Variants in LSM11 observed in about 807,000 individuals in gnomAD.
LSM11 encodes U7 snRNA-associated Sm-like protein LSm11.
Under a neutral mutation model 28.1 loss-of-function variants are expected in LSM11, and 14 were observed. The observed-to-expected ratio is 0.50, with a 90% confidence interval of 0.33 to 0.78. The LOEUF is 0.78. Among genes scored for constraint, LSM11 ranks in the 30% least tolerant of loss-of-function variants. The pLI, the probability that LSM11 is intolerant of heterozygous loss-of-function variation, is 0.02. For missense variants in LSM11, 495 were observed against 510.6 expected, an observed-to-expected ratio of 0.97 and a Z score of 0.30; for synonymous variants, 207 against 214.2, an observed-to-expected ratio of 0.97 and a Z score of 0.30.
chr5:157,755,181 G>A lies in LSM11; in HGVS notation c.1000G>A (p.Asp334Asn), dbSNP rs1389527741. ...SRKKKRKPKV[D>N]YQQVFTRHIN... is the part of the protein sequence containing the mutation. ...TAAGAAAAAGCGAAAGCCCAAAGTG[G>A]ATTACCAGCAGGTATTCACTCGACA... Residue 334 changes from aspartate (D) to asparagine (N), a missense_variant, in exon 4 of 4, where the codon GAT (aspartate) becomes AAT (asparagine). Transcript: ENST00000286307. 1 of 1,614,182 alleles carries A rather than the reference G, an allele frequency of 6.2e-7. No homozygotes were observed. The highest frequency in any genetic ancestry group is 8.5e-7 in the Non-Finnish European group (1 of 1,180,034).
At chr5:157,746,273 T>C (rs1047492000) in intron 1 of LSM11, among the ~76,000 whole-genome samples, 2 of 152,366 alleles carry the variant, frequency 1.3e-5, no homozygotes, top group Admixed American at 6.5e-5. Flanking sequence ...CATTTGAGAA[T>C]GCATAATCCT....
At chr5:157,748,305 A>G (rs1299683779) in intron 1 of LSM11, among the ~76,000 whole-genome samples, 8 of 152,134 alleles carry the variant, frequency 5.3e-5, no homozygotes, top group African/African-American at 1.7e-4. Context: ...ATTTGGAGAT[A>G]TATATGTAGA....
chr5:157,743,870 C>T lies in LSM11; in HGVS notation c.120C>T (p.Pro40=). The T allele has an allele frequency of 6.4e-7, 1 of 1,559,602 alleles. No homozygotes were observed. Among genetic ancestry groups the T allele is most frequent in the Non-Finnish European group, 8.7e-7 (1 of 1,155,310 alleles). The change falls in exon 1 of 4, where the codon CCC becomes CCT. Residue 40 remains proline (P), a synonymous_variant. Coordinates refer to ENST00000286307, the MANE Select transcript of LSM11 (RefSeq NM_173491.4). ...ACCCGCTGCTGGCCCTGTACGCGCC[C>T]CGCCTGCCTCCCATTCCCTACCCCA... ...SFDPLLALYA[P]RLPPIPYPNA...
rs537077891 is a variant in LSM11, at chr5:157,755,326, C to T, written c.*62C>T. On this transcript the variant is annotated 3_prime_UTR_variant, in exon 4 of 4. Coordinates refer to ENST00000286307, the MANE Select transcript of LSM11 (RefSeq NM_173491.4). ...TGCATGAATTGCTGCTATGCTGTATCCTAGTATCCCAGTGAAACTCTGAGT... is the reference window on the plus strand; with the variant it reads ...TGCATGAATTGCTGCTATGCTGTATTCTAGTATCCCAGTGAAACTCTGAGT... 2.3e-5 allele frequency: 35 copies of T among 1,507,142 alleles called. No homozygotes were observed. In the African/African-American group the frequency reaches 4.5e-4, roughly 20 times the overall value. 93.4% of individuals were successfully genotyped at this position (1,507,142 alleles called of 1,614,324 possible).
rs143509106 is a variant in LSM11, at chr5:157,756,139, A to G, written c.*875A>G. 1.6e-3 allele frequency: 245 copies of G among 157,422 alleles called. No individual in the cohort carries two copies. The East Asian group carries it at 0.027, about 18-fold the overall frequency. 9.8% of individuals were successfully genotyped at this position (157,422 alleles called of 1,614,324 possible). ...GTCCAGCTTCAAAGAGTTGTGCATG[A>G]ACTCGGTAATACACATCACACGGCT... On this transcript the variant is annotated 3_prime_UTR_variant, in exon 4 of 4. Transcript: ENST00000286307.
chr5:157,745,017 G>A (rs890571557), intron 1 of LSM11, among the ~76,000 whole-genome samples: 1 of 152,184 alleles, frequency 6.6e-6, no homozygotes, highest in African/African-American at 2.4e-5. Context: ...AAGTTCTAAA[G>A]GTGTAAATGG....
At chr5:157,752,918 CT>C (rs2113075901) in intron 2 of LSM11, among the ~76,000 whole-genome samples, 1 of 151,276 alleles carries the variant, frequency 6.6e-6, no homozygotes, top group South Asian at 2.1e-4. Context: ...CTATCTCCAA[CT>C]TTCCTTTTCC....
At position 157,755,304 on chromosome 5, in the gene LSM11, A is replaced by G; in HGVS notation, c.*40A>G. 6.3e-7 allele frequency: 1 copy of G among 1,582,066 alleles called. No individual in the cohort carries two copies. ...GCTTTGGTTTTTAGAAATAAAGTGC[A>G]TGAATTGCTGCTATGCTGTATCCTA... On this transcript the variant is annotated 3_prime_UTR_variant, in exon 4 of 4. Coordinates refer to ENST00000286307, the MANE Select transcript of LSM11 (RefSeq NM_173491.4).
rs145165722 is a variant in LSM11 at position 157,748,199 on chromosome 5, T to C, written c.449-3191T>C. Reference sequence around the variant, plus strand: ...ATTTTTCCATTGCAGACTCATAAGGTGACTGTTACAGTTTGTGGTTTCATT... The same window carrying C: ...ATTTTTCCATTGCAGACTCATAAGGCGACTGTTACAGTTTGTGGTTTCATT... On this transcript the variant is annotated intron_variant, in intron 1 of 3. Coordinates refer to ENST00000286307, the MANE Select transcript of LSM11 (RefSeq NM_173491.4). Among the ~76,000 whole-genome samples the C allele has an allele frequency of 3.1e-4, 47 of 152,322 alleles. No homozygotes were observed. The East Asian group carries it at 9.0e-3, about 29-fold the overall frequency.
intron 1 of LSM11, among the ~76,000 whole-genome samples, chr5:157,749,572 A>ACG (rs1185824646): frequency 3.4e-5 from 3 of 88,296 alleles, no homozygotes; most frequent in African/African-American, 5.1e-5. Context: ...ACACATATAC[A>ACG]CGCGCGCGCA....
Position 157,755,527 on chromosome 5 carries a change from T to G in LSM11, c.*263T>G. On this transcript the variant is annotated 3_prime_UTR_variant, in exon 4 of 4. Transcript: ENST00000286307. The stretch of plus-strand genomic sequence containing the variant: ...TGGTATTGTGATTTACTTCAGACCC[T>G]GAAACCAAATATCTGATCTTCCATT... The G allele has an allele frequency of 1.9e-6, 1 of 537,556 alleles. No individual in the cohort carries two copies. The highest frequency in any genetic ancestry group is 3.0e-5 in the South Asian group (1 of 33,314). 33.3% of individuals were successfully genotyped at this position (537,556 alleles called of 1,614,324 possible).
Position 157,755,445 on chromosome 5 carries a change from G to A in LSM11, c.*181G>A. 1.6e-6 allele frequency: 1 copy of A among 633,542 alleles called. No individual in the cohort carries two copies. Among genetic ancestry groups the A allele is most frequent in the African/African-American group, 1.8e-5 (1 of 54,622 alleles). The allele number at this position is 633,542 out of a possible 1,614,324, so 39.2% of individuals were successfully genotyped here. A position where few individuals can be genotyped will look rare whatever the true frequency, so the allele number is the denominator to read the frequency against. ...CAAGGGGAGGACAGGCCTTGGGAGG[G>A]CAGGCGTTTGCATTAATATCAAGGC... On this transcript the variant is annotated 3_prime_UTR_variant, in exon 4 of 4. Transcript: ENST00000286307.
chr5:157,755,708 G>A lies in LSM11; in HGVS notation c.*444G>A, dbSNP rs543170648. On this transcript the variant is annotated 3_prime_UTR_variant, in exon 4 of 4. Transcript: ENST00000286307. ...GTGGTGTAAATTGCCTTGGAGCCCT[G>A]CATCCACGTCTTGTAACTAACTTTT... 9 of 402,000 alleles carry A rather than the reference G, an allele frequency of 2.2e-5. No individual in the cohort carries two copies. The South Asian group carries it at 9.9e-4, about 44-fold the overall frequency. The allele number at this position is 402,000 out of a possible 1,614,324, so 24.9% of individuals were successfully genotyped here. A position where few individuals can be genotyped will look rare whatever the true frequency, so the allele number is the denominator to read the frequency against.
In LSM11 at chr5:157,743,900, C is replaced by A; in HGVS notation, c.150C>A (p.Ala50=). 6.5e-7 allele frequency: 1 copy of A among 1,527,548 alleles called. No homozygotes were observed. The highest frequency in any genetic ancestry group is 1.2e-5 in the South Asian group (1 of 81,242). The allele number at this position is 1,527,548 out of a possible 1,614,324, so 94.6% of individuals were successfully genotyped here. Residue 50 remains alanine, a synonymous_variant, in exon 1 of 4, where the codon GCC becomes GCA. Coordinates refer to ENST00000286307, the MANE Select transcript of LSM11 (RefSeq NM_173491.4). ...TGCCTCCCATTCCCTACCCCAATGC[C>A]CCCTGCTTCAACAACGTGGCGGAGT... ...PRLPPIPYPN[A]PCFNNVAEYE... is the part of the protein sequence containing the mutation.
rs912159635 is a variant in LSM11, at chr5:157,757,721, T to G, written c.*2457T>G. 1.3e-5 allele frequency: 2 copies of G among 152,250 alleles called. No homozygotes were observed. Among genetic ancestry groups the G allele is most frequent in the African/African-American group, 4.8e-5 (2 of 41,458 alleles). The allele number at this position is 152,250 out of a possible 1,614,324, so 9.4% of individuals were successfully genotyped here. A position where few individuals can be genotyped will look rare whatever the true frequency, so the allele number is the denominator to read the frequency against. On this transcript the variant is annotated 3_prime_UTR_variant, in exon 4 of 4. Coordinates refer to ENST00000286307, the MANE Select transcript of LSM11 (RefSeq NM_173491.4). ...ACCTGTGTGGCTATCCTCATCTGCC[T>G]GCCCTCTCATCCCTCGGCTAGAATG...
intron 1 of LSM11, among the ~76,000 whole-genome samples, chr5:157,748,467 G>A (rs1174327762): frequency 6.6e-6 from 1 of 152,166 alleles, no homozygotes; most frequent in Non-Finnish European, 1.5e-5. Flanking sequence ...TTGTGTAAGA[G>A]CATGTACTTA....
At chr5:157,754,762 C>A in intron 3 of LSM11, 92 bp from the exon 4 acceptor site, 9 of 980,476 alleles carry the variant, frequency 9.2e-6, no homozygotes, top group Non-Finnish European at 1.2e-5. Flanking sequence ...GTCCACAGAA[C>A]ATAATTAAAG....
chr5:157,755,486 A>G lies in LSM11; in HGVS notation c.*222A>G. 4 of 573,898 alleles carry G rather than the reference A, an allele frequency of 7.0e-6. No individual in the cohort carries two copies. Among genetic ancestry groups the G allele is most frequent in the Non-Finnish European group, 1.2e-5 (4 of 326,116 alleles). The allele number at this position is 573,898 out of a possible 1,614,324, so 35.6% of individuals were successfully genotyped here. On this transcript the variant is annotated 3_prime_UTR_variant, in exon 4 of 4. Transcript: ENST00000286307. ...ATATCAAGGCAAAAAGCATTCATAG[A>G]TACATGCATCTGATTTGGTATTGTG...
chr5:157,744,042 C>A lies in LSM11; in HGVS notation c.292C>A (p.Arg98Ser). The A allele has an allele frequency of 4.2e-6, 6 of 1,427,220 alleles. No homozygotes were observed. Among genetic ancestry groups the A allele is most frequent in the Non-Finnish European group, 4.6e-6 (5 of 1,089,056 alleles). 88.4% of individuals were successfully genotyped at this position (1,427,220 alleles called of 1,614,324 possible). The change falls in exon 1 of 4, where the codon CGC becomes AGC. Residue 98 changes from arginine (R) to serine (S), a missense_variant. Arg to Ser is a moderately radical substitution (Grantham distance 110). Coordinates refer to ENST00000286307, the MANE Select transcript of LSM11 (RefSeq NM_173491.4). ...ACCCGGGCCCTCGGGCAGGACTCGTCGCCGCCCGGACGCGCCCGCCCCGGA... is the reference window on the plus strand; with the variant it reads ...ACCCGGGCCCTCGGGCAGGACTCGTAGCCGCCCGGACGCGCCCGCCCCGGA... ...AAPGPSGRTRRRPDAPAPDPE... is the reference protein window; with the variant it reads ...AAPGPSGRTRSRPDAPAPDPE...
Sources: allele counts gnomAD v4.1 joint callset (sites outside exome capture counted in the v4.1 genomes callset), GRCh38; gene constraint gnomAD v4.1.1; transcripts MANE v1.5; gene names NCBI Gene and HGNC (gene_info 2026-07-23, HGNC 2026-07-21).